HPGDS: variants seen among roughly 807,000 people sequenced by gnomAD.
The protein encoded by HPGDS is hematopoietic prostaglandin D synthase, also known as GST class-sigma.
In HPGDS, 26 loss-of-function variants were observed where a neutral mutation model predicts 23.1. The ratio of observed to expected loss-of-function variants is 1.13; its 90% CI spans 0.83 to 1.56. HPGDS has a LOEUF of 1.56. HPGDS is among the 40% of genes most tolerant of loss of function. The probability of loss-of-function intolerance (pLI) is 0.00; values close to 1 mark genes in which losing one functional copy is unlikely to be tolerated. For missense variants in HPGDS, 268 were observed against 236.4 expected (o/e 1.13, Z -0.88); for synonymous variants, 95 against 77.9 (o/e 1.22, Z -1.16).
At chr4:94,317,787 T>C in intron 3 of HPGDS, 86 bp downstream of exon 3, 1 of 756,238 alleles carries the variant, frequency 1.3e-6, no homozygotes, top group Admixed American at 2.3e-5. Context: ...TATAGTATGC[T>C]ATGCTAAAGT....
At chr4:94,309,339 C>A (rs1756212049) in intron 3 of HPGDS, among the ~76,000 whole-genome samples, 2 of 132,712 alleles carry the variant, frequency 1.5e-5, no homozygotes, top group South Asian at 4.8e-4. Flanking sequence ...TCTCATGGTT[C>A]AATTCCCACC....
At chr4:94,308,383 G>T (rs1756180208) in intron 4 of HPGDS, among the ~76,000 whole-genome samples, 1 of 152,010 alleles carries the variant, frequency 6.6e-6, no homozygotes, top group Non-Finnish European at 1.5e-5. Context: ...TTATCCTATA[G>T]AAATATGGAA....
Position 94,317,932 on chromosome 4 carries a change from A to G in HPGDS, c.167T>C (p.Val56Ala), listed in dbSNP as rs748090845. The change falls in exon 3 of 6, where the codon GTT (valine) becomes GCT (alanine). Residue 56 changes from valine (V) to alanine (A), a missense_variant. By Grantham distance (64) the Val-to-Ala change is moderately conservative. Transcript: ENST00000295256. ...GCTCTGGTGAAGAGTAAGTCCATCA[A>G]CTTCCAAAATGGGGATTTTTCCAAA... ...LPFGKIPILE[V>A]DGLTLHQSLA... The G allele has an allele frequency of 1.4e-5, 22 of 1,611,816 alleles. No individual in the cohort carries two copies. The highest frequency in any genetic ancestry group is 6.7e-5 in the East Asian group (3 of 44,762).
At chr4:94,314,841 G>T (rs1756362401) in intron 3 of HPGDS, among the ~76,000 whole-genome samples, 1 of 152,152 alleles carries the variant, frequency 6.6e-6, no homozygotes, top group Admixed American at 6.5e-5. Context: ...AGCAATGGTG[G>T]GCACCCCTCC....
At chr4:94,321,461 C>T (rs970746065) in intron 2 of HPGDS, among the ~76,000 whole-genome samples, 1 of 152,136 alleles carries the variant, frequency 6.6e-6, no homozygotes, top group African/African-American at 2.4e-5. Context: ...TGTAGTTCTC[C>T]TTGAAGAGGT....
At chr4:94,314,500 G>T (rs112620405) in intron 3 of HPGDS, among the ~76,000 whole-genome samples, 12 of 152,280 alleles carry the variant, frequency 7.9e-5, no homozygotes, top group Non-Finnish European at 1.5e-4. Context: ...TGCTCTGGAC[G>T]TTTTGTCTCA....
intron 2 of HPGDS, among the ~76,000 whole-genome samples, chr4:94,327,372 A>T (rs190209998): frequency 4.6e-5 from 7 of 152,222 alleles, no homozygotes; most frequent in Non-Finnish European, 7.4e-5. Flanking sequence ...CTGAGAGTGC[A>T]TGTTTGCACC....
chr4:94,317,716 T>TA (rs1210667125), intron 3 of HPGDS, among the ~76,000 whole-genome samples, 157 bp downstream of exon 3: 10 of 152,230 alleles, frequency 6.6e-5, no homozygotes, highest in South Asian at 6.2e-4. Flanking sequence ...CATGGAAAGT[T>TA]AAACTGATAC....
chr4:94,302,553 G>A (rs1435088257), intron 4 of HPGDS, among the ~76,000 whole-genome samples: 1 of 151,992 alleles, frequency 6.6e-6, no homozygotes, highest in Non-Finnish European at 1.5e-5. Context: ...AAAGTGAAAT[G>A]ATTCTCTTGT....
Position 94,340,309 on chromosome 4 carries a change from CTCTTTTTTTTTTTTTTTTTTTTTTTT to C in HPGDS, c.-10+2460_-10+2485del, listed in dbSNP as rs1721124485. Among the ~76,000 whole-genome samples, 245 of 28,788 alleles carry C rather than the reference CTCTTTTTTTTTTTTTTTTTTTTTTTT, an allele frequency of 8.5e-3. 3 individuals carry two copies. Among genetic ancestry groups the C allele is most frequent in the African/African-American group, 0.025 (208 of 8,278 alleles). The allele number at this position is 28,788 out of a possible 152,430, so 18.9% of individuals were successfully genotyped here. ...TCTTTCTTTCTTTCTTTCTTTCTTT[CTCTTTTTTTTTTTTTTTTTTTTTTTT>C]TTTTTTTTTTTTTTTTTTTTTGAGA... On this transcript the variant is annotated intron_variant, in intron 1 of 5. Coordinates refer to ENST00000295256, the MANE Select transcript of HPGDS (RefSeq NM_014485.3).
intron 3 of HPGDS, among the ~76,000 whole-genome samples, chr4:94,314,260 C>T (rs941119899): frequency 6.6e-6 from 1 of 152,164 alleles, no homozygotes; most frequent in African/African-American, 2.4e-5. Context: ...TTTTCCCCAT[C>T]TTTGTGGTTT....
At chr4:94,320,094 TC>T (rs1756473403) in intron 2 of HPGDS, among the ~76,000 whole-genome samples, 1 of 152,228 alleles carries the variant, frequency 6.6e-6, no homozygotes, top group South Asian at 2.1e-4. Context: ...CATGAACTCA[TC>T]CTTTTTTATG....
At chr4:94,317,477 G>A (rs1250013031) in intron 3 of HPGDS, among the ~76,000 whole-genome samples, 1 of 152,026 alleles carries the variant, frequency 6.6e-6, no homozygotes, top group Non-Finnish European at 1.5e-5. Context: ...ACATTACTGA[G>A]TATATAATTT....
intron 3 of HPGDS, among the ~76,000 whole-genome samples, chr4:94,311,992 T>C (rs1373177921): frequency 1.3e-5 from 2 of 152,192 alleles, no homozygotes; most frequent in Non-Finnish European, 2.9e-5. Flanking sequence ...ATATCCCCTT[T>C]ATCATTTTTT....
chr4:94,323,934 G>A (rs1276009506), intron 2 of HPGDS, among the ~76,000 whole-genome samples: 1 of 152,098 alleles, frequency 6.6e-6, no homozygotes, highest in Non-Finnish European at 1.5e-5. Context: ...CTTCCTTCAG[G>A]AGCTCTTGTA....
At chr4:94,317,730 T>G (rs1756425402) in intron 3 of HPGDS, 143 bp downstream of exon 3, 2 of 514,282 alleles carry the variant, frequency 3.9e-6, no homozygotes, top group Non-Finnish European at 6.7e-6. Context: ...CTGATACAGG[T>G]GGTATATTTA....
chr4:94,330,578 T>G (rs2126044757), intron 2 of HPGDS, among the ~76,000 whole-genome samples: 1 of 152,324 alleles, frequency 6.6e-6, no homozygotes, highest in South Asian at 2.1e-4. Flanking sequence ...ATCTCAACTT[T>G]GTATAAGGAA....
intron 2 of HPGDS, among the ~76,000 whole-genome samples, chr4:94,322,830 C>G (rs1462521914): frequency 6.6e-6 from 1 of 152,040 alleles, no homozygotes; most frequent in South Asian, 2.1e-4. Context: ...GCTCTTGCTT[C>G]TCTAGTTCTC....
chr4:94,337,220 C>T (rs1721041284), intron 1 of HPGDS, among the ~76,000 whole-genome samples: 1 of 152,126 alleles, frequency 6.6e-6, no homozygotes, highest in South Asian at 2.1e-4. Flanking sequence ...ATCCACCCCC[C>T]TTGGCCTCCC....
Sources: gnomAD v4.1 joint callset for allele counts (sites outside exome capture counted in the v4.1 genomes callset) on GRCh38, gnomAD v4.1.1 for gene constraint, MANE v1.5 for transcripts, NCBI Gene and HGNC (gene_info 2026-07-23, HGNC 2026-07-21) for gene names.